Variants in CCDC88C observed in about 807,000 individuals in gnomAD.
CCDC88C encodes the protein protein Daple.
A neutral mutation model predicts 198.8 loss-of-function variants in CCDC88C; 131 were observed. The observed-to-expected ratio is 0.66, with a 90% CI of 0.57 to 0.76. The LOEUF is 0.76. CCDC88C is among the 30% of genes least tolerant of loss of function. CCDC88C has a pLI of 0.00. For synonymous variants in CCDC88C, 1,166 were observed against 1,114.7 expected (o/e 1.05, Z -0.92); for missense variants, 2,553 against 2,631.6 (o/e 0.97, Z 0.65).
rs762959150 is a variant in CCDC88C at position 91,294,176 on chromosome 14, T to A, written c.4109A>T (p.Tyr1370Phe). The A allele has an allele frequency of 1.2e-6, 2 of 1,614,002 alleles. No individual in the cohort carries two copies. The highest frequency in any genetic ancestry group is 8.5e-7 in the Non-Finnish European group (1 of 1,179,858). The change falls in exon 23 of 30, where the codon TAC becomes TTC. Residue 1370 changes from tyrosine to phenylalanine, a missense_variant. Physicochemically the swap from Tyr to Phe is conservative, Grantham distance 22 (BLOSUM62 3). Transcript: ENST00000389857. ...KEQYHEEQKQ[Y>F]IDKLNALRRH... ...GGTTCAGGGACTCCCTGCTTACATG[T>A]ACTGCTTCTGCTCCTCATGGTACTG...
intron 12 of CCDC88C, among the ~76,000 whole-genome samples, chr14:91,324,335 G>A (rs536244824): frequency 1.3e-5 from 2 of 152,352 alleles, no homozygotes; most frequent in Non-Finnish European, 2.9e-5. Flanking sequence ...ACCCAGGAGA[G>A]AGAAAACAGG....
Position 91,338,555 on chromosome 14 carries a change from C to T in CCDC88C, c.825G>A (p.Glu275=), listed in dbSNP as rs969826621. Residue 275 remains glutamate (E), a synonymous_variant, in exon 9 of 30, where the codon GAG becomes GAA. Coordinates refer to ENST00000389857, the MANE Select transcript of CCDC88C (RefSeq NM_001080414.4). The surrounding 1 kb of genome is among the most constrained non-coding windows in gnomAD (Gnocchi z 4.8). ...RVRQELEDKT[E]QLVDTRHEVD... ...CCTCATGTCTGGTGTCCACAAGCTG[C>T]TCTGTCTTATCCTCCCTGCAGAGGC... 4 of 1,566,472 alleles carry T rather than the reference C, an allele frequency of 2.6e-6. No homozygotes were observed. Among genetic ancestry groups the T allele is most frequent in the South Asian group, 1.2e-5 (1 of 84,718 alleles).
At chr14:91,372,528 C>CGGGGGGGGG (rs199749681) in intron 3 of CCDC88C, among the ~76,000 whole-genome samples, 2 of 24,530 alleles carry the variant, frequency 8.2e-5, no homozygotes, top group Non-Finnish European at 1.5e-4. Context: ...GGCAGTGGTG[C>CGGGGGGGGG]GGGGGGGGGC....
intron 29 of CCDC88C, among the ~76,000 whole-genome samples, chr14:91,274,973 G>A (rs566245760): frequency 6.6e-6 from 1 of 152,214 alleles, no homozygotes; most frequent in East Asian, 1.9e-4. Flanking sequence ...TCCTGGCCAC[G>A]CAGGGAGCCC....
At position 91,308,350 on chromosome 14, in the gene CCDC88C, C is replaced by T; in HGVS notation, c.3006+1G>A. The T allele has an allele frequency of 6.2e-7, 1 of 1,614,016 alleles. No homozygotes were observed. The highest frequency in any genetic ancestry group is 8.5e-7 in the Non-Finnish European group (1 of 1,179,878). Reference sequence around the variant, plus strand: ...CCCCACAGTGCAACCTCCACACTCACCATCTGCAGCTCACTCTCTAACTGG... The same window carrying T: ...CCCCACAGTGCAACCTCCACACTCATCATCTGCAGCTCACTCTCTAACTGG... On this transcript the variant is annotated splice_donor_variant, in intron 17 of 29. Transcript: ENST00000389857. LOFTEE classifies it high-confidence loss of function.
chr14:91,289,313 T>G lies in CCDC88C; in HGVS notation c.4233A>C (p.Leu1411Phe), dbSNP rs1036965007. Reference sequence around the variant, plus strand: ...CTTTCTTTGGTTTGATGAGTTTGACTAAGGCTTTGGCTCCAATCCAGTGGT... The same window carrying G: ...CTTTCTTTGGTTTGATGAGTTTGACGAAGGCTTTGGCTCCAATCCAGTGGT... ...KKNHWIGAKA[L>F]VKLIKPKKEG... Residue 1411 changes from leucine (L) to phenylalanine (F), a missense_variant, in exon 25 of 30, where the codon TTA becomes TTC. This residue lies in a region of CCDC88C where 1,293 missense variants were observed against 1,219.6 expected (regional missense o/e 1.06). Transcript: ENST00000389857. 1 of 1,613,932 alleles carries G rather than the reference T, an allele frequency of 6.2e-7. No homozygotes were observed. The highest frequency in any genetic ancestry group is 1.3e-5 in the African/African-American group (1 of 74,946).
chr14:91,301,357 C>T (rs1156335837), intron 20 of CCDC88C, among the ~76,000 whole-genome samples: 1 of 152,202 alleles, frequency 6.6e-6, no homozygotes, highest in Non-Finnish European at 1.5e-5. Context: ...TGAGCAAGGA[C>T]CTGCAGGGAA....
At chr14:91,276,713 A>C (rs2139716475) in intron 29 of CCDC88C, among the ~76,000 whole-genome samples, 1 of 152,374 alleles carries the variant, frequency 6.6e-6, no homozygotes, top group Middle Eastern at 3.4e-3. Context: ...AAAAGGCTGA[A>C]GTTTTAAGAA....
intron 13 of CCDC88C, 139 bp downstream of exon 13, chr14:91,320,981 C>T: frequency 1.3e-6 from 1 of 778,504 alleles, no homozygotes; most frequent in Non-Finnish European, 2.0e-6. Flanking sequence ...GGTGACTGCG[C>T]CTGGATTCTG....
Position 91,391,707 on chromosome 14 carries a change from G to A in CCDC88C, c.270+16952C>T, listed in dbSNP as rs529220042. 5.9e-5 allele frequency among the ~76,000 whole-genome samples: 9 copies of A among 152,136 alleles called. No homozygotes were observed. The East Asian group carries it at 1.4e-3, about 23-fold the overall frequency. On this transcript the variant is annotated intron_variant, in intron 3 of 29. Transcript: ENST00000389857. The stretch of plus-strand genomic sequence containing the variant: ...GGCAGGAGAATCGCTTGATCCCAGG[G>A]GGCTGAGGCTGCAGTGAGCTGAGAT...
chr14:91,319,682 T>C (rs1197326762), intron 13 of CCDC88C, among the ~76,000 whole-genome samples: 2 of 152,182 alleles, frequency 1.3e-5, no homozygotes, highest in African/African-American at 4.8e-5. Flanking sequence ...ATGTGCCGAA[T>C]CCGTCACACA....
rs185941427 is a variant in CCDC88C, at chr14:91,308,202, G to A, written c.3006+149C>T. On this transcript the variant is annotated intron_variant, in intron 17 of 29. Coordinates refer to ENST00000389857, the MANE Select transcript of CCDC88C (RefSeq NM_001080414.4). ...TTGGCCCTAGTGCGTGTGATTCTGA[G>A]GGTGGCTCCCTCAGTCACTCTGTGG... is the stretch of plus-strand genomic sequence containing the variant. 1.7e-5 allele frequency: 15 copies of A among 880,560 alleles called. No individual in the cohort carries two copies. In the East Asian group the frequency reaches 4.0e-4, roughly 24 times the overall value. 54.5% of individuals were successfully genotyped at this position (880,560 alleles called of 1,614,324 possible). A position where few individuals can be genotyped will look rare whatever the true frequency, so the allele number is the denominator to read the frequency against.
intron 10 of CCDC88C, among the ~76,000 whole-genome samples, chr14:91,333,205 T>G (rs754651971): frequency 2.0e-5 from 3 of 152,254 alleles, no homozygotes; most frequent in Non-Finnish European, 2.9e-5. Flanking sequence ...TTGCTAATAT[T>G]TTAATGGTAT....
chr14:91,289,162 C>A lies in CCDC88C; in HGVS notation c.4384G>T (p.Ala1462Ser), dbSNP rs200081065. 7 of 1,613,592 alleles carry A rather than the reference C, an allele frequency of 4.3e-6. No homozygotes were observed. Among genetic ancestry groups the A allele is most frequent in the Non-Finnish European group, 5.9e-6 (7 of 1,179,864 alleles). Residue 1462 changes from alanine (A) to serine (S), a missense_variant, in exon 25 of 30, where the codon GCA becomes TCA. Physicochemically the swap from Ala to Ser is moderately conservative, Grantham distance 99. This residue lies in a region of CCDC88C where 1,293 missense variants were observed against 1,219.6 expected (regional missense o/e 1.06). Coordinates refer to ENST00000389857, the MANE Select transcript of CCDC88C (RefSeq NM_001080414.4). ...TCTTCTGCACAGTTGGAGCCCAGTG[C>A]GGGGGTGTCGGGGTTCTCGGCCTGT... The part of the protein sequence containing the change: ...RSQAENPDTP[A>S]LGSNCAEERD...
At chr14:91,374,618 T>A (rs933771481) in intron 3 of CCDC88C, among the ~76,000 whole-genome samples, 2 of 152,160 alleles carry the variant, frequency 1.3e-5, no homozygotes, top group Admixed American at 1.3e-4. Flanking sequence ...GGCAAGGGGT[T>A]ACAGCCAGAA....
At chr14:91,415,344 A>C (rs1886988673) in intron 2 of CCDC88C, among the ~76,000 whole-genome samples, 1 of 151,098 alleles carries the variant, frequency 6.6e-6, no homozygotes. Context: ...ATTGGTAGTG[A>C]CTTTTTTTCC....
At chr14:91,318,001 C>T (rs533936092) in intron 13 of CCDC88C, among the ~76,000 whole-genome samples, 75 of 152,326 alleles carry the variant, frequency 4.9e-4, no homozygotes, top group Non-Finnish European at 7.3e-4. Flanking sequence ...TCTGGGGCAG[C>T]GTCGTGAGGA....
Position 91,273,517 on chromosome 14 carries a change from G to A in CCDC88C, c.5195C>T (p.Thr1732Ile). 1 of 1,538,116 alleles carries A rather than the reference G, an allele frequency of 6.5e-7. No homozygotes were observed. Among genetic ancestry groups the A allele is most frequent in the Non-Finnish European group, 8.8e-7 (1 of 1,142,216 alleles). ...CGAGGTGGGGGCGGCCATTTTGACGGTGGGGGCCACAAAGTTGGTGGGCAT... is the reference window on the plus strand; with the variant it reads ...CGAGGTGGGGGCGGCCATTTTGACGATGGGGGCCACAAAGTTGGTGGGCAT... ...AKMPTNFVAPTVKMAAPTSEG... is the reference protein window; with the variant it reads ...AKMPTNFVAPIVKMAAPTSEG... The change falls in exon 30 of 30, where the codon ACC becomes ATC. Residue 1732 changes from threonine to isoleucine, a missense_variant. Thr to Ile is a moderately conservative substitution (Grantham distance 89, BLOSUM62 -1). Transcript: ENST00000389857. The surrounding 1 kb of genome is among the most constrained non-coding windows in gnomAD (Gnocchi z 5.6).
chr14:91,273,354 C>A lies in CCDC88C; in HGVS notation c.5358G>T (p.Pro1786=), dbSNP rs763587715. ...SLSLGRPRQA[P]VPPASHAPAS... ...CAGGTGCATGGGAAGCTGGGGGCACCGGAGCCTGCCGGGGTCTGCCCAGAG... is the reference window on the plus strand; with the variant it reads ...CAGGTGCATGGGAAGCTGGGGGCACAGGAGCCTGCCGGGGTCTGCCCAGAG... Residue 1786 remains proline (P), a synonymous_variant, in exon 30 of 30, where the codon CCG becomes CCT. Transcript: ENST00000389857. The surrounding 1 kb of genome is among the most constrained non-coding windows in gnomAD (Gnocchi z 5.6). 10 of 1,533,120 alleles carry A rather than the reference C, an allele frequency of 6.5e-6. No homozygotes were observed. In the South Asian group the frequency reaches 1.2e-4, roughly 19 times the overall value. The allele number at this position is 1,533,120 out of a possible 1,614,324, so 95.0% of individuals were successfully genotyped here. A position where few individuals can be genotyped will look rare whatever the true frequency, so the allele number is the denominator to read the frequency against.
Sources: gnomAD v4.1 joint callset for allele counts (sites outside exome capture counted in the v4.1 genomes callset) on GRCh38, gnomAD v4.1.1 for gene constraint, gnomAD v4.1.1 regional missense constraint, Gnocchi (gnomAD v3.1) non-coding constraint, MANE v1.5 for transcripts, NCBI Gene and HGNC (gene_info 2026-07-23, HGNC 2026-07-21) for gene names.